Variants in APOBEC1 observed in about 807,000 individuals in gnomAD.
The protein encoded by APOBEC1 is C->U-editing enzyme APOBEC-1.
Under a neutral mutation model 26.3 loss-of-function variants are expected in APOBEC1, and 22 were observed. The ratio of observed to expected loss-of-function variants is 0.84; its 90% CI spans 0.60 to 1.19. APOBEC1 has a LOEUF of 1.19. Ranked by LOEUF, APOBEC1 falls within the 50% of genes most tolerant of loss-of-function variation. APOBEC1 has a pLI of 0.00. For synonymous variants in APOBEC1, 77 were observed against 95.3 expected (o/e 0.81, Z 1.12); for missense variants, 253 against 289.0 (o/e 0.88, Z 0.90).
Position 7,660,395 on chromosome 12 carries a change from A to AGAAG in APOBEC1, c.16+5461_16+5462insCTTC, listed in dbSNP as rs1565442469. Among the ~76,000 whole-genome samples the AGAAG allele has an allele frequency of 4.4e-4, 22 of 49,474 alleles. 2 individuals carry two copies. Among genetic ancestry groups the AGAAG allele is most frequent in the South Asian group, 9.0e-4 (1 of 1,112 alleles). 32.5% of individuals were successfully genotyped at this position (49,474 alleles called of 152,430 possible). A position where few individuals can be genotyped will look rare whatever the true frequency, so the allele number is the denominator to read the frequency against. On this transcript the variant is annotated intron_variant, in intron 1 of 4. Transcript: ENST00000229304. ...AGGAAGGAAAGAAAGAAAGAAAGAA[A>AGAAG]GAAAGAAAGAAAGAAAGAGAGGGTA... is the stretch of plus-strand genomic sequence containing the variant.
In APOBEC1 at chr12:7,652,793, G is replaced by T; in HGVS notation, c.87C>A (p.Pro29=). 1 of 1,611,210 alleles carries T rather than the reference G, an allele frequency of 6.2e-7. No individual in the cohort carries two copies. Among genetic ancestry groups the T allele is most frequent in the South Asian group, 1.1e-5 (1 of 90,750 alleles). The part of the protein sequence containing the change: ...EPWEFDVFYD[P]RELRKEACLL... ...GACAGGCCTCTTTACGAAGTTCTCT[G>T]GGGTCATAGAAGACGTCAAACTCCC... The change falls in exon 3 of 5, where the codon CCC becomes CCA. Residue 29 remains proline, a synonymous_variant. Transcript: ENST00000229304.
At chr12:7,655,791 C>T (rs776529908) in intron 1 of APOBEC1, among the ~76,000 whole-genome samples, 37 of 152,016 alleles carry the variant, frequency 2.4e-4, no homozygotes, top group Non-Finnish European at 4.9e-4. Flanking sequence ...AAATTTGAGA[C>T]CAGCCTGGGC....
At chr12:7,650,667 C>T (rs955602758) in intron 4 of APOBEC1, among the ~76,000 whole-genome samples, 1 of 152,180 alleles carries the variant, frequency 6.6e-6, no homozygotes, top group Non-Finnish European at 1.5e-5. Context: ...CTCCTGGTCT[C>T]AAGCAATCCT....
chr12:7,664,763 C>T (rs2136858623), intron 1 of APOBEC1, among the ~76,000 whole-genome samples: 1 of 151,736 alleles, frequency 6.6e-6, no homozygotes, highest in East Asian at 2.0e-4. Context: ...AAAAAATTAG[C>T]AGGGCTGGTG....
intron 2 of APOBEC1, among the ~76,000 whole-genome samples, chr12:7,653,408 T>C (rs1181210570): frequency 6.6e-6 from 1 of 152,082 alleles, no homozygotes; most frequent in Non-Finnish European, 1.5e-5. Flanking sequence ...CACTCTCTAA[T>C]ACCATTATGT....
chr12:7,655,225 A>C (rs1863696419), intron 1 of APOBEC1, among the ~76,000 whole-genome samples: 1 of 148,012 alleles, frequency 6.8e-6, no homozygotes, highest in African/African-American at 2.5e-5. Context: ...AAAAATTAAA[A>C]ATAGGCCCGG....
At chr12:7,666,432 TACA>T (rs1303000645), upstream of APOBEC1, among the ~76,000 whole-genome samples, 7 of 151,976 alleles carry the variant, frequency 4.6e-5, no homozygotes, top group Non-Finnish European at 8.8e-5. Flanking sequence ...TAGCTGGGAT[TACA>T]GGCGCCCAAC....
intron 1 of APOBEC1, among the ~76,000 whole-genome samples, chr12:7,661,036 A>AT (rs1863811438): frequency 2.4e-5 from 3 of 124,294 alleles, no homozygotes; most frequent in Non-Finnish European, 5.1e-5. Context: ...TACTAAAAAT[A>AT]CAAAAAAAAA....
Position 7,652,475 on chromosome 12 carries a change from A to G in APOBEC1, c.405T>C (p.Val135=). 1 of 1,613,884 alleles carries G rather than the reference A, an allele frequency of 6.2e-7. No homozygotes were observed. The highest frequency in any genetic ancestry group is 8.5e-7 in the Non-Finnish European group (1 of 1,179,928). Residue 135 remains valine (V), a synonymous_variant, in exon 3 of 5, where the codon GTT becomes GTC. Coordinates refer to ENST00000229304, the MANE Select transcript of APOBEC1 (RefSeq NM_001644.5). ...QQNRQGLRDL[V]NSGVTIQIMR... ...TAATCTGAATAGTTACTCCACTGTT[A>G]ACAAGGTCCCTGAGACCTTGCCGAT...
intron 1 of APOBEC1, among the ~76,000 whole-genome samples, chr12:7,659,322 A>AATATATATATATATATATATAT (rs1328982852): frequency 6.5e-5 from 3 of 46,274 alleles, no homozygotes; most frequent in African/African-American, 1.3e-4. Flanking sequence ...AAAAAAAAAA[A>AATATATATATATATATATATAT]ATATATATAT....
upstream of APOBEC1, among the ~76,000 whole-genome samples, chr12:7,668,439 G>A (rs1313078092): frequency 1.3e-5 from 2 of 152,188 alleles, no homozygotes; most frequent in Non-Finnish European, 2.9e-5. Context: ...TAAACATGCA[G>A]CAGCCAAGAG....
chr12:7,666,677 T>A (rs190205747), upstream of APOBEC1, among the ~76,000 whole-genome samples: 1 of 152,200 alleles, frequency 6.6e-6, no homozygotes, highest in East Asian at 1.9e-4. Flanking sequence ...GCTTGAAAAT[T>A]TTTATGTTAT....
chr12:7,668,931 C>T (rs745725346), upstream of APOBEC1, among the ~76,000 whole-genome samples: 16 of 152,194 alleles, frequency 1.1e-4, 1 homozygote, highest in African/African-American at 2.9e-4. Context: ...GAGGTTTCAC[C>T]GTGTTGGCCA....
At chr12:7,654,150 T>G (rs775402347) in intron 2 of APOBEC1, among the ~76,000 whole-genome samples, 1 of 152,090 alleles carries the variant, frequency 6.6e-6, no homozygotes. Flanking sequence ...ATTTCACTAA[T>G]GGCTATAAAA....
intron 2 of APOBEC1, among the ~76,000 whole-genome samples, chr12:7,653,727 G>A (rs1432190568): frequency 1.3e-5 from 2 of 152,020 alleles, no homozygotes; most frequent in African/African-American, 2.4e-5. Flanking sequence ...AAGTGTTGAC[G>A]CCTCAAATTG....
At chr12:7,658,020 A>G (rs990992939) in intron 1 of APOBEC1, among the ~76,000 whole-genome samples, 1 of 152,028 alleles carries the variant, frequency 6.6e-6, no homozygotes, top group Non-Finnish European at 1.5e-5. Flanking sequence ...TTTCCGAAAT[A>G]GAATCACCTG....
chr12:7,660,330 GGAAGGGAAGGAAGGAAGGAA>G (rs1863789526), intron 1 of APOBEC1, among the ~76,000 whole-genome samples: 2 of 114,578 alleles, frequency 1.7e-5, no homozygotes, highest in South Asian at 3.6e-4. Flanking sequence ...AAGGAAGGAA[GGAAGGGAAGGAAGGAAGGAA>G]GGAAGGAAGG....
upstream of APOBEC1, among the ~76,000 whole-genome samples, chr12:7,668,042 G>C (rs1365193225): frequency 6.6e-6 from 1 of 152,088 alleles, no homozygotes; most frequent in Non-Finnish European, 1.5e-5. Flanking sequence ...AAAATCTTGA[G>C]ATGAGAAGAC....
intron 4 of APOBEC1, among the ~76,000 whole-genome samples, chr12:7,650,813 G>A (rs993953456): frequency 1.3e-5 from 2 of 152,168 alleles, no homozygotes; most frequent in Non-Finnish European, 2.9e-5. Context: ...AGCTTGCAAC[G>A]CCTAGACTCA....
Sources: allele counts gnomAD v4.1 joint callset (sites outside exome capture counted in the v4.1 genomes callset), GRCh38; gene constraint gnomAD v4.1.1; transcripts MANE v1.5; gene names NCBI Gene and HGNC (gene_info 2026-07-23, HGNC 2026-07-21).